GRIP1: variants seen among roughly 807,000 people sequenced by gnomAD.
The protein encoded by GRIP1 is glutamate receptor-interacting protein 1.
GRIP1 carries 45 observed loss-of-function variants against 129.9 expected under a neutral mutation model. The ratio of observed to expected loss-of-function variants is 0.35; its 90% CI spans 0.27 to 0.44. GRIP1 has a LOEUF of 0.44. GRIP1 is among the 20% of genes least tolerant of loss of function. The pLI, the probability that GRIP1 is intolerant of heterozygous loss-of-function variation, is 1.00. For missense variants in GRIP1, 1,196 were observed against 1,396.8 expected, an observed-to-expected ratio of 0.86 and a Z score of 2.29; for synonymous variants, 530 against 520.8, an observed-to-expected ratio of 1.02 and a Z score of -0.24.
chr12:66,471,279 G>A (rs1358766062), intron 7 of GRIP1, among the ~76,000 whole-genome samples: 1 of 152,134 alleles, frequency 6.6e-6, no homozygotes, highest in Non-Finnish European at 1.5e-5. Flanking sequence ...CTACCACAAG[G>A]GTTAACAGAG....
At chr12:66,538,930 C>A in intron 4 of GRIP1, 148 bp downstream of exon 4, 1 of 707,266 alleles carries the variant, frequency 1.4e-6, no homozygotes, top group South Asian at 1.7e-5. Context: ...TCTTACTGTG[C>A]CAAATTTATC....
chr12:66,714,295 C>T (rs976501728), intron 1 of GRIP1, among the ~76,000 whole-genome samples: 37 of 151,978 alleles, frequency 2.4e-4, no homozygotes, highest in African/African-American at 8.5e-4. Context: ...TTTCTATTTA[C>T]ATTTTTTATT....
At position 66,607,043 on chromosome 12, in the gene GRIP1, G is replaced by A. The variant is rs866771596; in HGVS notation, c.56-10116C>T. On this transcript the variant is annotated intron_variant, in intron 1 of 24. Coordinates refer to ENST00000359742, the MANE Select transcript of GRIP1 (RefSeq NM_001366722.1). ...AGAGAGAGTGTGTGTGTGTGTGCACGCGCACATGTGTGTATAAAGAAAGGC... is the reference window on the plus strand; with the variant it reads ...AGAGAGAGTGTGTGTGTGTGTGCACACGCACATGTGTGTATAAAGAAAGGC... 7.9e-5 allele frequency among the ~76,000 whole-genome samples: 12 copies of A among 152,060 alleles called. 1 individual carries two copies. The highest frequency in any genetic ancestry group is 1.9e-4 in the East Asian group (1 of 5,184).
chr12:66,804,148 C>G, exon 1 of GRIP1: 1 of 455,906 alleles, frequency 2.2e-6, no homozygotes, highest in Non-Finnish European at 4.4e-6. Context: ...TCTCCTAGAT[C>G]TTCTTATCGC....
chr12:67,029,198 G>A (rs1291790439), intron 1 of GRIP1, among the ~76,000 whole-genome samples: 2 of 152,050 alleles, frequency 1.3e-5, no homozygotes, highest in South Asian at 2.1e-4. Flanking sequence ...TGCAACCTCC[G>A]CCTCTCAAGC....
intron 1 of GRIP1, among the ~76,000 whole-genome samples, chr12:66,737,843 C>A (rs533053684): frequency 7.2e-5 from 11 of 152,094 alleles, no homozygotes; most frequent in African/African-American, 2.7e-4. Flanking sequence ...GTTATGCCCA[C>A]GTGAATTTGA....
At chr12:66,414,809 G>A (rs77833495) in intron 15 of GRIP1, among the ~76,000 whole-genome samples, 4 of 151,970 alleles carry the variant, frequency 2.6e-5, no homozygotes, top group African/African-American at 9.7e-5. Context: ...ATAACCATCT[G>A]ATCATCAAGA....
chr12:66,722,293 T>C (rs1289649668), intron 1 of GRIP1, among the ~76,000 whole-genome samples: 1 of 152,146 alleles, frequency 6.6e-6, no homozygotes, highest in Non-Finnish European at 1.5e-5. Context: ...TAGAGGTCAT[T>C]GCAGGATTAT....
In GRIP1 at chr12:66,905,488, T is replaced by C. The variant is rs565959960; in HGVS notation, c.58+163562A>G. Among the ~76,000 whole-genome samples the C allele has an allele frequency of 3.3e-5, 5 of 152,344 alleles. No homozygotes were observed. The South Asian group carries it at 8.3e-4, about 25-fold the overall frequency. On this transcript the variant is annotated intron_variant, in intron 1 of 1. Transcript: ENST00000643019. The stretch of plus-strand genomic sequence containing the variant: ...TTCTTTGCTAAGATAATCTTAACTC[T>C]GTTGTTAGGAATACATGGTTTATGA...
At position 66,371,830 on chromosome 12, in the gene GRIP1, C is replaced by T; in HGVS notation, c.2876G>A (p.Ser959Asn). 2 of 1,614,018 alleles carry T rather than the reference C, an allele frequency of 1.2e-6. No homozygotes were observed. The highest frequency in any genetic ancestry group is 1.7e-6 in the Non-Finnish European group (2 of 1,179,930). Residue 959 changes from serine (S) to asparagine (N), a missense_variant, in exon 23 of 25, where the codon AGC becomes AAC. Physicochemically the swap from Ser to Asn is conservative, Grantham distance 46. Coordinates refer to ENST00000359742, the MANE Select transcript of GRIP1 (RefSeq NM_001366722.1). ...TGTTTGGCTGTAGTGCGGCCGCGAGCTGCTGCGCTCCTGGAAGCTGGCCTG... is the reference window on the plus strand; with the variant it reads ...TGTTTGGCTGTAGTGCGGCCGCGAGTTGCTGCGCTCCTGGAAGCTGGCCTG... Reference protein sequence around the residue: ...GRQASFQERSSSRPHYSQTTR... With the variant: ...GRQASFQERSNSRPHYSQTTR...
intron 1 of GRIP1, among the ~76,000 whole-genome samples, chr12:66,651,975 A>T (rs2032829216): frequency 6.6e-6 from 1 of 152,164 alleles, no homozygotes. Context: ...TGTGAGAAAA[A>T]TTTAAATACT....
intron 6 of GRIP1, among the ~76,000 whole-genome samples, chr12:66,516,888 T>C (rs182040938): frequency 1.4e-3 from 206 of 152,294 alleles, no homozygotes; most frequent in African/African-American, 4.0e-3. Context: ...GAAGCCTGAA[T>C]TCCTCCCGCA....
intron 11 of GRIP1, among the ~76,000 whole-genome samples, chr12:66,450,450 G>A (rs947279482): frequency 1.3e-5 from 2 of 149,892 alleles, no homozygotes; most frequent in Non-Finnish European, 3.0e-5. Context: ...GAAGATAGTT[G>A]AATAATTTTA....
At chr12:67,023,525 T>C (rs1174950181) in intron 1 of GRIP1, among the ~76,000 whole-genome samples, 1 of 152,228 alleles carries the variant, frequency 6.6e-6, no homozygotes, top group African/African-American at 2.4e-5. Context: ...GTCTTGATTA[T>C]TGCAGCTTTA....
chr12:66,508,599 G>A (rs1255116087), intron 7 of GRIP1, among the ~76,000 whole-genome samples: 2 of 152,100 alleles, frequency 1.3e-5, no homozygotes, highest in Non-Finnish European at 2.9e-5. Flanking sequence ...TGCAAAGTTT[G>A]TGCATAGGAA....
At chr12:66,706,299 G>C (rs941110452) in intron 1 of GRIP1, among the ~76,000 whole-genome samples, 1 of 152,122 alleles carries the variant, frequency 6.6e-6, no homozygotes, top group African/African-American at 2.4e-5. Flanking sequence ...ACATAAAAAT[G>C]CTCAACATCA....
chr12:66,902,603 C>T (rs2040861060), intron 1 of GRIP1, among the ~76,000 whole-genome samples: 1 of 152,150 alleles, frequency 6.6e-6, no homozygotes, highest in Admixed American at 6.5e-5. Context: ...GTTGAGGTTA[C>T]CAAGTAGGCC....
intron 2 of GRIP1, among the ~76,000 whole-genome samples, chr12:66,587,303 A>G (rs1370293976): frequency 1.3e-5 from 2 of 152,248 alleles, no homozygotes; most frequent in Non-Finnish European, 2.9e-5. Context: ...GGCTTACTCC[A>G]AAGTCACCAG....
intron 1 of GRIP1, among the ~76,000 whole-genome samples, chr12:66,781,501 A>C (rs2038158175): frequency 6.6e-6 from 1 of 152,208 alleles, no homozygotes; most frequent in Non-Finnish European, 1.5e-5. Context: ...TATACCAAAA[A>C]AATTACCCAA....
Sources: gnomAD v4.1 joint callset for allele counts (sites outside exome capture counted in the v4.1 genomes callset) on GRCh38, gnomAD v4.1.1 for gene constraint, MANE v1.5 for transcripts, NCBI Gene and HGNC (gene_info 2026-07-23, HGNC 2026-07-21) for gene names.